Variants in PCDH9 observed in about 807,000 individuals in gnomAD.
The protein encoded by PCDH9 is protocadherin 9.
PCDH9 carries 24 observed loss-of-function variants against 70.6 expected under a neutral mutation model. The observed-to-expected ratio is 0.34, with a 90% CI of 0.25 to 0.48. The LOEUF is 0.48. PCDH9 is among the 20% of genes least tolerant of loss of function. PCDH9 has a pLI of 0.99. For synonymous variants in PCDH9, 562 were observed against 558.5 expected, an observed-to-expected ratio of 1.01 and a Z score of -0.09; for missense variants, 1,281 against 1,503.6, an observed-to-expected ratio of 0.85 and a Z score of 2.45.
At chr13:66,398,681 AATTCACT>A (rs896776924) in intron 4 of PCDH9, among the ~76,000 whole-genome samples, 3 of 152,204 alleles carry the variant, frequency 2.0e-5, no homozygotes, top group Non-Finnish European at 4.4e-5. Flanking sequence ...AATTAAGAAC[AATTCACT>A]ATTCATGTCA....
chr13:66,594,227 T>C (rs2077073974), intron 4 of PCDH9, among the ~76,000 whole-genome samples: 1 of 151,770 alleles, frequency 6.6e-6, no homozygotes, highest in African/African-American at 2.4e-5. Flanking sequence ...GTATTCTATT[T>C]AGCCAGCCAC....
At chr13:67,160,062 A>G (rs2087914563) in intron 2 of PCDH9, among the ~76,000 whole-genome samples, 1 of 152,172 alleles carries the variant, frequency 6.6e-6, no homozygotes, top group South Asian at 2.1e-4. Context: ...TCAGATGAGC[A>G]TCTCTGCCAT....
At chr13:66,965,191 T>A (rs1258427477) in intron 2 of PCDH9, among the ~76,000 whole-genome samples, 2 of 152,154 alleles carry the variant, frequency 1.3e-5, no homozygotes, top group Non-Finnish European at 2.9e-5. Context: ...ATTTCTACTT[T>A]AATCAATATG....
At chr13:66,415,161 C>T (rs180827228) in intron 4 of PCDH9, among the ~76,000 whole-genome samples, 1 of 152,252 alleles carries the variant, frequency 6.6e-6, no homozygotes, top group East Asian at 1.9e-4. Context: ...AACTAGCATT[C>T]TGATTAAAGC....
chr13:67,051,428 T>G (rs2085323090), intron 2 of PCDH9, among the ~76,000 whole-genome samples: 1 of 130,984 alleles, frequency 7.6e-6, no homozygotes. Flanking sequence ...AGTCTCATTC[T>G]GTCACCCAGG....
intron 4 of PCDH9, among the ~76,000 whole-genome samples, chr13:66,612,550 A>G (rs1451180059): frequency 6.6e-6 from 1 of 151,846 alleles, no homozygotes; most frequent in Non-Finnish European, 1.5e-5. Flanking sequence ...AATGACGAAT[A>G]ATATTAAAAT....
At chr13:66,576,657 T>G (rs1385848276) in intron 4 of PCDH9, among the ~76,000 whole-genome samples, 1 of 152,098 alleles carries the variant, frequency 6.6e-6, no homozygotes, top group Non-Finnish European at 1.5e-5. Flanking sequence ...TAGGGGAACT[T>G]AAGCTATTAT....
intron 2 of PCDH9, among the ~76,000 whole-genome samples, chr13:67,092,093 T>C (rs2086229443): frequency 6.6e-6 from 1 of 152,200 alleles, no homozygotes; most frequent in Admixed American, 6.5e-5. Context: ...TCTATGCTAA[T>C]ATTTGAGTTT....
intron 3 of PCDH9, among the ~76,000 whole-genome samples, chr13:66,694,967 G>A (rs1218965658): frequency 6.6e-6 from 1 of 150,598 alleles, no homozygotes; most frequent in East Asian, 2.0e-4. Context: ...GCAGTGGCGC[G>A]ATCTCTGCTC....
At chr13:67,121,111 CAT>C (rs1210908870) in intron 2 of PCDH9, among the ~76,000 whole-genome samples, 1 of 152,112 alleles carries the variant, frequency 6.6e-6, no homozygotes, top group African/African-American at 2.4e-5. Context: ...GCGGGACAGA[CAT>C]ATAAACAAAG....
intron 3 of PCDH9, among the ~76,000 whole-genome samples, chr13:66,772,512 G>T (rs957560321): frequency 6.6e-6 from 1 of 152,034 alleles, no homozygotes; most frequent in Non-Finnish European, 1.5e-5. Flanking sequence ...TTATTGAAGG[G>T]TTTGCTGGAA....
chr13:66,590,109 A>C lies in PCDH9; in HGVS notation c.3340+41101T>G, dbSNP rs1327216571. Among the ~76,000 whole-genome samples, 3 of 152,168 alleles carry C rather than the reference A, an allele frequency of 2.0e-5. No individual in the cohort carries two copies. The South Asian group carries it at 6.2e-4, about 32-fold the overall frequency. The stretch of plus-strand genomic sequence containing the variant: ...AAAGTTTCATCATCTAATGGGAAAA[A>C]TACGGAGAACCCTAACAAAATTAAT... On this transcript the variant is annotated intron_variant, in intron 4 of 4. Coordinates refer to ENST00000377865, the MANE Select transcript of PCDH9 (RefSeq NM_203487.3).
intron 3 of PCDH9, among the ~76,000 whole-genome samples, chr13:66,735,686 G>A (rs373447650): frequency 7.2e-5 from 11 of 152,074 alleles, no homozygotes; most frequent in African/African-American, 9.7e-5. Context: ...AGATTAGGCC[G>A]GGCACAGTGG....
intron 3 of PCDH9, among the ~76,000 whole-genome samples, chr13:66,834,149 C>T (rs1180543204): frequency 6.8e-6 from 1 of 146,794 alleles, no homozygotes; most frequent in African/African-American, 2.5e-5. Flanking sequence ...ATTTTATATA[C>T]CTATGGTCTT....
intron 4 of PCDH9, among the ~76,000 whole-genome samples, chr13:66,307,374 A>G (rs1955486200): frequency 6.6e-6 from 1 of 152,102 alleles, no homozygotes; most frequent in Non-Finnish European, 1.5e-5. Context: ...GAGGATTATT[A>G]AAGATATCTC....
intron 4 of PCDH9, among the ~76,000 whole-genome samples, chr13:66,561,671 C>G (rs761858987): frequency 6.6e-6 from 1 of 152,004 alleles, no homozygotes; most frequent in Non-Finnish European, 1.5e-5. Context: ...ACTTGGAGAA[C>G]CTTTGTGTTG....
intron 3 of PCDH9, among the ~76,000 whole-genome samples, chr13:66,799,693 A>T (rs911368330): frequency 6.6e-6 from 1 of 152,202 alleles, no homozygotes; most frequent in African/African-American, 2.4e-5. Context: ...GTAATAAGGA[A>T]CAATCAGTAA....
chr13:66,402,605 G>A (rs1283024612), intron 4 of PCDH9, among the ~76,000 whole-genome samples: 1 of 152,080 alleles, frequency 6.6e-6, no homozygotes, highest in Non-Finnish European at 1.5e-5. Flanking sequence ...ATGCAGCAGA[G>A]ATGTCACTAT....
chr13:66,575,359 A>C (rs2076799368), intron 4 of PCDH9, among the ~76,000 whole-genome samples: 1 of 152,034 alleles, frequency 6.6e-6, no homozygotes, highest in African/African-American at 2.4e-5. Flanking sequence ...TAATCCACCC[A>C]GTTGCTTAAG....
Sources: gnomAD v4.1 joint callset for allele counts (sites outside exome capture counted in the v4.1 genomes callset) on GRCh38, gnomAD v4.1.1 for gene constraint, MANE v1.5 for transcripts, NCBI Gene and HGNC (gene_info 2026-07-23, HGNC 2026-07-21) for gene names.